The following NELL2 variants were observed in gnomAD, a reference collection of about 807,000 sequenced individuals.
NELL2 encodes protein kinase C-binding protein NELL2.
NELL2 carries 41 observed loss-of-function variants against 109.6 expected under a neutral mutation model. The ratio of observed to expected loss-of-function variants is 0.37; its 90% CI spans 0.29 to 0.49. NELL2 has a LOEUF of 0.49. Among genes scored for constraint, NELL2 ranks in the 20% least tolerant of loss-of-function variants. The probability of loss-of-function intolerance (pLI) is 0.98; values close to 1 mark genes in which losing one functional copy is unlikely to be tolerated. For synonymous variants in NELL2, 355 were observed against 344.7 expected (o/e 1.03, Z -0.33); for missense variants, 900 against 1,008.3 (o/e 0.89, Z 1.45).
chr12:44,793,926 G>GT (rs752075100), intron 3 of NELL2, among the ~76,000 whole-genome samples: 6 of 152,178 alleles, frequency 3.9e-5, no homozygotes, highest in Non-Finnish European at 7.4e-5. Flanking sequence ...TTGTATAGTT[G>GT]TAAGTTTTTA....
rs569421804 is a variant in NELL2, at chr12:44,746,597, T to A, written c.994+28150A>T. 1.0e-3 allele frequency among the ~76,000 whole-genome samples: 152 copies of A among 151,892 alleles called. 1 individual carries two copies. The highest frequency in any genetic ancestry group is 3.6e-3 in the African/African-American group (147 of 41,390). ...AATCTACAATGAAGTCAAACAAATT[T>A]ACAAGAAAAAAACAAACAACCCCAT... On this transcript the variant is annotated intron_variant, in intron 9 of 19. Transcript: ENST00000429094.
intron 15 of NELL2, among the ~76,000 whole-genome samples, chr12:44,554,902 A>G (rs913727845): frequency 6.6e-6 from 1 of 152,264 alleles, no homozygotes; most frequent in Non-Finnish European, 1.5e-5. Flanking sequence ...GTTACTTAAC[A>G]GGAACACAAT....
chr12:44,897,176 C>T (rs1178266244), intron 1 of NELL2, among the ~76,000 whole-genome samples: 5 of 152,108 alleles, frequency 3.3e-5, no homozygotes, highest in African/African-American at 4.8e-5. Flanking sequence ...GAATACCCAT[C>T]AGGGTTGCCA....
chr12:44,786,185 A>G (rs1302509805), intron 3 of NELL2, among the ~76,000 whole-genome samples: 1 of 152,226 alleles, frequency 6.6e-6, no homozygotes, highest in Non-Finnish European at 1.5e-5. Flanking sequence ...TTTACAAGAA[A>G]AAAAACAAAC....
intron 1 of NELL2, among the ~76,000 whole-genome samples, chr12:44,889,834 A>G (rs1945513793): frequency 6.6e-6 from 1 of 152,208 alleles, no homozygotes; most frequent in Non-Finnish European, 1.5e-5. Flanking sequence ...CTTAAAGAAA[A>G]TTTATTAAGT....
At chr12:44,705,143 A>C (rs2083678685) in intron 11 of NELL2, among the ~76,000 whole-genome samples, 1 of 152,136 alleles carries the variant, frequency 6.6e-6, no homozygotes, top group Non-Finnish European at 1.5e-5. Flanking sequence ...ATATTGGTTC[A>C]TCTTATCTGT....
intron 12 of NELL2, among the ~76,000 whole-genome samples, chr12:44,689,876 A>G (rs1948846741): frequency 6.6e-6 from 1 of 152,224 alleles, no homozygotes; most frequent in East Asian, 1.9e-4. Flanking sequence ...AAACGTCAAC[A>G]GTGTGAGGTT....
intron 15 of NELL2, among the ~76,000 whole-genome samples, chr12:44,561,718 C>A (rs898710649): frequency 3.9e-5 from 6 of 152,138 alleles, no homozygotes; most frequent in Admixed American, 6.5e-5. Context: ...TAGGAAGAAT[C>A]AATATAGTGA....
intron 3 of NELL2, among the ~76,000 whole-genome samples, chr12:44,802,090 T>C (rs1241594831): frequency 6.6e-6 from 1 of 152,122 alleles, no homozygotes; most frequent in Non-Finnish European, 1.5e-5. Flanking sequence ...TCAGTTCGTA[T>C]TACTCTACAT....
intron 1 of NELL2, among the ~76,000 whole-genome samples, chr12:44,909,742 GACACACAC>G (rs71435995): frequency 1.4e-5 from 2 of 144,532 alleles, no homozygotes; most frequent in Non-Finnish European, 3.1e-5. Flanking sequence ...CACAGACACA[GACACACAC>G]ACACACACAC....
At chr12:44,706,909 T>C (rs1485292656) in intron 11 of NELL2, among the ~76,000 whole-genome samples, 1 of 151,980 alleles carries the variant, frequency 6.6e-6, no homozygotes, top group Non-Finnish European at 1.5e-5. Flanking sequence ...GTGTAGAACT[T>C]TTGGTAAAAT....
intron 1 of NELL2, among the ~76,000 whole-genome samples, chr12:44,896,548 A>C (rs141489831): frequency 1.3e-3 from 196 of 152,352 alleles, no homozygotes; most frequent in Non-Finnish European, 2.1e-3. Flanking sequence ...CCCTTAAGGA[A>C]CATATAAACT....
chr12:44,774,835 C>T lies in NELL2; in HGVS notation c.906G>A (p.Gln302=), dbSNP rs373113173. 6.2e-7 allele frequency: 1 copy of T among 1,612,766 alleles called. No homozygotes were observed. ...KNCTCLNGTI[Q]CETLICPNPD... Reference sequence around the variant, plus strand: ...GATTTGGGCAGATTAGAGTTTCACACTGGATGGTTCCATTCTGAAAAGGAA... The same window carrying T: ...GATTTGGGCAGATTAGAGTTTCACATTGGATGGTTCCATTCTGAAAAGGAA... Residue 302 remains glutamine, a synonymous_variant, in exon 9 of 20, where the codon CAG becomes CAA. Coordinates refer to ENST00000429094, the MANE Select transcript of NELL2 (RefSeq NM_001145108.2).
chr12:44,869,886 G>T (rs966956474), intron 2 of NELL2, among the ~76,000 whole-genome samples: 1 of 152,076 alleles, frequency 6.6e-6, no homozygotes, highest in African/African-American at 2.4e-5. Flanking sequence ...AATATGTTTT[G>T]CTCAACAATT....
intron 9 of NELL2, among the ~76,000 whole-genome samples, chr12:44,752,207 T>C (rs1940683105): frequency 6.6e-6 from 1 of 152,228 alleles, no homozygotes; most frequent in African/African-American, 2.4e-5. Flanking sequence ...GGAGTTACTA[T>C]AATTAGAAAG....
At position 44,766,150 on chromosome 12, in the gene NELL2, A is replaced by G. The variant is rs549795700; in HGVS notation, c.994+8597T>C. Among the ~76,000 whole-genome samples, 6 of 152,208 alleles carry G rather than the reference A, an allele frequency of 3.9e-5. No individual in the cohort carries two copies. The South Asian group carries it at 1.0e-3, about 26-fold the overall frequency. ...CTTTATCACAATCATCTCTAAATTG[A>G]AAAAGTGAATTCCTTTCTGTCCCTT... On this transcript the variant is annotated intron_variant, in intron 9 of 19. Coordinates refer to ENST00000429094, the MANE Select transcript of NELL2 (RefSeq NM_001145108.2).
Position 44,703,787 on chromosome 12 carries a change from C to A in NELL2, c.1257G>T (p.Arg419Ser), listed in dbSNP as rs764190665. Residue 419 changes from arginine (R) to serine (S), a missense_variant, in exon 12 of 20, where the codon AGG becomes AGT. Coordinates refer to ENST00000429094, the MANE Select transcript of NELL2 (RefSeq NM_001145108.2). ...ENSICRNLNDRAVCSCRDGFR... is the reference protein window; with the variant it reads ...ENSICRNLNDSAVCSCRDGFR... Reference sequence around the variant, plus strand: ...AACCATCTCGACAGCTACAAACAGCCCTGTCATTCAGATTTCTGCAGATGG... The same window carrying A: ...AACCATCTCGACAGCTACAAACAGCACTGTCATTCAGATTTCTGCAGATGG... 1.2e-6 allele frequency: 2 copies of A among 1,613,418 alleles called. No homozygotes were observed. Among genetic ancestry groups the A allele is most frequent in the East Asian group, 4.5e-5 (2 of 44,830 alleles).
At chr12:44,646,276 CA>C (rs767292682) in intron 13 of NELL2, among the ~76,000 whole-genome samples, 11 of 152,088 alleles carry the variant, frequency 7.2e-5, no homozygotes, top group Non-Finnish European at 1.2e-4. Flanking sequence ...AAGCAACTTC[CA>C]AAAGGTCACA....
chr12:44,739,381 T>C (rs556248497), intron 9 of NELL2, among the ~76,000 whole-genome samples: 10 of 152,274 alleles, frequency 6.6e-5, no homozygotes, highest in Admixed American at 2.0e-4. Context: ...AATAGCTAGA[T>C]TAGAATTTCT....
Sources: allele counts gnomAD v4.1 joint callset (sites outside exome capture counted in the v4.1 genomes callset), GRCh38; gene constraint gnomAD v4.1.1; transcripts MANE v1.5; gene names NCBI Gene and HGNC (gene_info 2026-07-23, HGNC 2026-07-21).